NUP188: variants seen among roughly 807,000 people sequenced by gnomAD.
NUP188 encodes the protein nucleoporin 188.
A neutral mutation model predicts 223.0 loss-of-function variants in NUP188; 97 were observed. The ratio of observed to expected loss-of-function variants is 0.43; its 90% CI spans 0.37 to 0.51. NUP188 has a LOEUF of 0.51. Ranked by LOEUF, NUP188 falls within the 20% of genes least tolerant of loss-of-function variation. The pLI is 0.00. For missense variants in NUP188, 1,947 were observed against 2,175.6 expected, an observed-to-expected ratio of 0.89 and a Z score of 2.09; for synonymous variants, 869 against 828.0, an observed-to-expected ratio of 1.05 and a Z score of -0.85.
rs555063651 is a variant in NUP188, at chr9:129,004,834, A to G, written c.4435-313A>G. 1.4e-3 allele frequency: 609 copies of G among 420,536 alleles called. 3 individuals carry two copies. The highest frequency in any genetic ancestry group is 2.2e-3 in the Non-Finnish European group (503 of 230,654). 26.1% of individuals were successfully genotyped at this position (420,536 alleles called of 1,614,324 possible). On this transcript the variant is annotated intron_variant, in intron 38 of 43. Coordinates refer to ENST00000372577, the MANE Select transcript of NUP188 (RefSeq NM_015354.3). ...TCTTTACTTTAGGACCTTACAATAT[A>G]CCAGGCACCTAGCTGGGTCTCAGGG...
At chr9:128,975,004 C>T (rs1160873001) in intron 12 of NUP188, among the ~76,000 whole-genome samples, 1 of 151,780 alleles carries the variant, frequency 6.6e-6, no homozygotes, top group Non-Finnish European at 1.5e-5. Flanking sequence ...CAGGTGATCC[C>T]ACTGCCTCCA....
At chr9:128,997,190 C>T (rs1484490364) in intron 30 of NUP188, among the ~76,000 whole-genome samples, 2 of 152,124 alleles carry the variant, frequency 1.3e-5, no homozygotes, top group African/African-American at 4.8e-5. Context: ...GAAGTCTAGG[C>T]AGATGGACTT....
At chr9:128,990,308 C>T (rs775977240) in intron 25 of NUP188, 82 bp downstream of exon 25, 15 of 1,073,590 alleles carry the variant, frequency 1.4e-5, no homozygotes, top group South Asian at 8.8e-5. Context: ...GCTCAGGCCA[C>T]GTGCAGCGGC....
chr9:128,980,812 G>C, intron 14 of NUP188, 87 bp downstream of exon 14: 1 of 1,395,372 alleles, frequency 7.2e-7, no homozygotes, highest in East Asian at 2.3e-5. Flanking sequence ...CCACATTGCA[G>C]TTCTACTGCC....
chr9:129,003,205 C>A, intron 37 of NUP188, 112 bp from the exon 38 acceptor site: 1 of 1,352,926 alleles, frequency 7.4e-7, no homozygotes, highest in Non-Finnish European at 1.0e-6. Flanking sequence ...CATTTCTTTG[C>A]CAACTCAGCA....
At chr9:128,992,107 C>T (rs922106410) in intron 25 of NUP188, among the ~76,000 whole-genome samples, 1 of 151,904 alleles carries the variant, frequency 6.6e-6, no homozygotes, top group African/African-American at 2.4e-5. Context: ...GACGGGGTTT[C>T]ACCGTGGTCT....
intron 10 of NUP188, among the ~76,000 whole-genome samples, chr9:128,969,950 CAG>C (rs1233036186): frequency 6.6e-6 from 1 of 151,482 alleles, no homozygotes; most frequent in Non-Finnish European, 1.5e-5. Flanking sequence ...TTTTTTGAGA[CAG>C]AGTCTTCCTC....
At chr9:128,969,260 A>G in intron 9 of NUP188, 140 bp from the exon 10 acceptor site, 1 of 582,826 alleles carries the variant, frequency 1.7e-6, no homozygotes, top group South Asian at 2.1e-5. Flanking sequence ...CTGCCTCTCA[A>G]AGTGTTAGGA....
chr9:128,987,580 G>A lies in NUP188; in HGVS notation c.2265-9G>A, dbSNP rs1450323203. The stretch of plus-strand genomic sequence containing the variant: ...CTCCCTGGTAACTCAGAATACCTCT[G>A]TCTTCCAGTCATACTCCCAGCCTGC... On this transcript the variant is annotated splice_polypyrimidine_tract_variant and intron_variant, in intron 22 of 43. Coordinates refer to ENST00000372577, the MANE Select transcript of NUP188 (RefSeq NM_015354.3). The A allele has an allele frequency of 6.2e-7, 1 of 1,609,332 alleles. No individual in the cohort carries two copies. Among genetic ancestry groups the A allele is most frequent in the Non-Finnish European group, 8.5e-7 (1 of 1,177,822 alleles).
intron 8 of NUP188, among the ~76,000 whole-genome samples, chr9:128,963,282 ATTTTTTT>A (rs1177267491): frequency 1.4e-5 from 2 of 138,778 alleles, no homozygotes; most frequent in African/African-American, 2.7e-5. Context: ...GTAAATGTAA[ATTTTTTT>A]TTTTTTTTTT....
intron 2 of NUP188, among the ~76,000 whole-genome samples, chr9:128,951,555 C>T (rs776880727): frequency 2.0e-5 from 3 of 152,026 alleles, no homozygotes; most frequent in African/African-American, 4.8e-5. Flanking sequence ...GTATATCAAA[C>T]ATTAGAGGAA....
chr9:128,980,601 C>A lies in NUP188; in HGVS notation c.1270-5C>A. 1.9e-6 allele frequency: 3 copies of A among 1,609,208 alleles called. No individual in the cohort carries two copies. In the African/African-American group the frequency reaches 4.0e-5, roughly 21 times the overall value. ...AGATCAGTGATTTGTCCCCTTCCAC[C>A]ACAGGAGCCAACTTCTGGCCTTGGG... On this transcript the variant is annotated splice_polypyrimidine_tract_variant and splice_region_variant and intron_variant, in intron 13 of 43. Transcript: ENST00000372577.
chr9:128,969,478 A>G lies in NUP188; in HGVS notation c.876A>G (p.Glu292=). 1 of 1,591,820 alleles carries G rather than the reference A, an allele frequency of 6.3e-7. No individual in the cohort carries two copies. The highest frequency in any genetic ancestry group is 2.3e-5 in the East Asian group (1 of 43,980). Residue 292 remains glutamate, a synonymous_variant, in exon 10 of 44, where the codon GAA becomes GAG. Coordinates refer to ENST00000372577, the MANE Select transcript of NUP188 (RefSeq NM_015354.3). Reference sequence around the variant, plus strand: ...AGTGTGCTTTGGATGACAGAAGAGAACTGCATCAGTTTGCGCAGGATGGGC... The same window carrying G: ...AGTGTGCTTTGGATGACAGAAGAGAGCTGCATCAGTTTGCGCAGGATGGGC... ...LHKCALDDRR[E]LHQFAQDGLI...
chr9:128,998,000 T>C, intron 30 of NUP188, 151 bp from the exon 31 acceptor site: 1 of 652,540 alleles, frequency 1.5e-6, no homozygotes. Flanking sequence ...ATTACAGGCA[T>C]GAGCCACCAC....
intron 22 of NUP188, 34 bp from the exon 23 acceptor site, chr9:128,987,555 C>G: frequency 6.3e-7 from 1 of 1,595,386 alleles, no homozygotes; most frequent in Non-Finnish European, 8.5e-7. Flanking sequence ...CACTGAGTGG[C>G]TCCCTGGTAA....
In NUP188 at chr9:128,973,495, G is replaced by C. The variant is rs534091740; in HGVS notation, c.1203+246G>C. Reference sequence around the variant, plus strand: ...CCTCCTGGGTTCGAGCGATTCTCCTGTCTCAGTCTCCTAAGTAGCTGGAAT... The same window carrying C: ...CCTCCTGGGTTCGAGCGATTCTCCTCTCTCAGTCTCCTAAGTAGCTGGAAT... On this transcript the variant is annotated intron_variant, in intron 12 of 43. Coordinates refer to ENST00000372577, the MANE Select transcript of NUP188 (RefSeq NM_015354.3). Among the ~76,000 whole-genome samples, 5 of 152,224 alleles carry C rather than the reference G, an allele frequency of 3.3e-5. No homozygotes were observed. The East Asian group carries it at 9.7e-4, about 29-fold the overall frequency.
chr9:128,952,143 C>G (rs1292080603), intron 2 of NUP188, among the ~76,000 whole-genome samples: 1 of 152,080 alleles, frequency 6.6e-6, no homozygotes, highest in African/African-American at 2.4e-5. Flanking sequence ...GTGGCTCACA[C>G]CTGTAATCCC....
intron 8 of NUP188, chr9:128,964,317 A>T (rs1031300024): frequency 8.2e-6 from 3 of 363,990 alleles, no homozygotes; most frequent in African/African-American, 6.7e-5. Context: ...TAGATGTTTT[A>T]CAACTTTTTT....
At chr9:128,956,223 T>TTG in intron 3 of NUP188, 127 bp from the exon 4 acceptor site, 1 of 422,182 alleles carries the variant, frequency 2.4e-6, no homozygotes, top group East Asian at 4.1e-5. Context: ...GTGTGTGTGT[T>TTG]TGTGTGTGTG....
Sources: allele counts gnomAD v4.1 joint callset (sites outside exome capture counted in the v4.1 genomes callset), GRCh38; gene constraint gnomAD v4.1.1; transcripts MANE v1.5; gene names NCBI Gene and HGNC (gene_info 2026-07-23, HGNC 2026-07-21).